The following NUP210L variants were observed in gnomAD, a reference collection of about 807,000 sequenced individuals.
The protein encoded by NUP210L is nucleoporin 210 like, also known as nuclear pore membrane glycoprotein 210-like.
A neutral mutation model predicts 208.5 loss-of-function variants in NUP210L; 74 were observed. That is an observed-to-expected ratio of 0.35 (90% CI 0.29 to 0.43). The LOEUF (loss-of-function observed/expected upper bound fraction) is 0.43. Among genes scored for constraint, NUP210L ranks in the 20% least tolerant of loss-of-function variants. The pLI, the probability that NUP210L is intolerant of heterozygous loss-of-function variation, is 1.00. For synonymous variants in NUP210L, 780 were observed against 816.9 expected (o/e 0.95, Z 0.77); for missense variants, 1,843 against 2,289.4 (o/e 0.81, Z 3.98).
chr1:154,044,342 G>A (rs553074177), intron 27 of NUP210L, among the ~76,000 whole-genome samples: 1 of 151,904 alleles, frequency 6.6e-6, no homozygotes, highest in Non-Finnish European at 1.5e-5. Flanking sequence ...AGGAGGCGGA[G>A]GTTGCAGTGA....
At chr1:154,056,713 C>T in intron 23 of NUP210L, 102 bp downstream of exon 23, 2 of 1,248,062 alleles carry the variant, frequency 1.6e-6, no homozygotes, top group African/African-American at 1.5e-5. Flanking sequence ...AGCCACTGTG[C>T]CCAGCCAGTC....
chr1:154,021,354 T>G (rs1311617734), intron 32 of NUP210L, among the ~76,000 whole-genome samples: 6 of 151,872 alleles, frequency 4.0e-5, no homozygotes, highest in South Asian at 4.1e-4. Context: ...AGGCGTGGTG[T>G]TGTGTGCCTG....
At chr1:154,063,877 AC>A (rs1432742701) in intron 17 of NUP210L, among the ~76,000 whole-genome samples, 1 of 151,624 alleles carries the variant, frequency 6.6e-6, no homozygotes, top group Non-Finnish European at 1.5e-5. Flanking sequence ...ACAAAAGCTA[AC>A]TTTTAGATTT....
At chr1:154,153,670 T>A (rs1382636352) in intron 1 of NUP210L, among the ~76,000 whole-genome samples, 1 of 152,176 alleles carries the variant, frequency 6.6e-6, no homozygotes, top group Non-Finnish European at 1.5e-5. Flanking sequence ...GGTCTCAAAC[T>A]CCTGGCCTCA....
chr1:154,067,211 C>T lies in NUP210L; in HGVS notation c.2554+3062G>A, dbSNP rs190766982. On this transcript the variant is annotated intron_variant, in intron 17 of 39. Transcript: ENST00000368559. ...AATCCTCAATAAAATACTGGCAAAC[C>T]GAATCCAGCAGCACATCAAAAAGCT... Among the ~76,000 whole-genome samples, 447 of 152,110 alleles carry T rather than the reference C, an allele frequency of 2.9e-3. 6 individuals carry two copies. Among genetic ancestry groups the T allele is most frequent in the African/African-American group, 9.6e-3 (398 of 41,508 alleles).
At chr1:154,061,599 T>G in exon 18 of NUP210L, 2 of 1,584,846 alleles carry the variant, frequency 1.3e-6, no homozygotes, top group Non-Finnish European at 1.7e-6. Flanking sequence ...TGGGCTTTTC[T>G]TCTCTGAATA....
chr1:154,025,710 T>C, exon 30 of NUP210L: 1 of 1,612,392 alleles, frequency 6.2e-7, no homozygotes, highest in East Asian at 2.2e-5. Flanking sequence ...CGAAGGCAGC[T>C]CCTTCCCTAG....
chr1:154,015,558 T>TA (rs1651190545), intron 33 of NUP210L, among the ~76,000 whole-genome samples: 1 of 151,332 alleles, frequency 6.6e-6, no homozygotes, highest in African/African-American at 2.4e-5. Flanking sequence ...CTGTCACTAC[T>TA]AAAATACAAA....
intron 12 of NUP210L, among the ~76,000 whole-genome samples, chr1:154,105,998 C>A (rs927665457): frequency 1.3e-5 from 2 of 152,140 alleles, no homozygotes; most frequent in Non-Finnish European, 2.9e-5. Context: ...CGGTGGCTTA[C>A]ACCTGTAATC....
chr1:154,023,093 T>C, intron 31 of NUP210L, 29 bp downstream of exon 31: 1 of 1,589,892 alleles, frequency 6.3e-7, no homozygotes, highest in Non-Finnish European at 8.6e-7. Context: ...TCTACCATAG[T>C]GTCAATACCA....
At chr1:154,114,893 C>CA (rs1365168179) in intron 12 of NUP210L, among the ~76,000 whole-genome samples, 1 of 147,604 alleles carries the variant, frequency 6.8e-6, no homozygotes, top group Non-Finnish European at 1.5e-5. Context: ...CCACCACTCC[C>CA]AGCCTCTTGT....
chr1:154,021,980 C>T lies in NUP210L; in HGVS notation c.4516+146G>A, dbSNP rs1040900581. On this transcript the variant is annotated intron_variant, in intron 32 of 39. Coordinates refer to ENST00000368559, the Ensembl canonical transcript of NUP210L. ...GAACTTCTGGCCTTAAGTGACCTCT[C>T]CAGCTTGGCCTCCCAAAGGGCTGAG... is the stretch of plus-strand genomic sequence containing the variant. 35 of 683,718 alleles carry T rather than the reference C, an allele frequency of 5.1e-5. No homozygotes were observed. In the African/African-American group the frequency reaches 5.7e-4, roughly 11 times the overall value. The allele number at this position is 683,718 out of a possible 1,614,324, so 42.4% of individuals were successfully genotyped here.
chr1:154,060,830 T>A lies in NUP210L; in HGVS notation c.2748+112A>T, dbSNP rs918440569. 4 of 792,812 alleles carry A rather than the reference T, an allele frequency of 5.0e-6. No homozygotes were observed. In the African/African-American group the frequency reaches 5.3e-5, roughly 10 times the overall value. The allele number at this position is 792,812 out of a possible 1,614,324, so 49.1% of individuals were successfully genotyped here. On this transcript the variant is annotated intron_variant, in intron 19 of 39. Transcript: ENST00000368559. ...AACTATTATATATGTGTTTTACATATATGTATCAATTATTTTCAACACATA... is the reference window on the plus strand; with the variant it reads ...AACTATTATATATGTGTTTTACATAAATGTATCAATTATTTTCAACACATA...
intron 12 of NUP210L, among the ~76,000 whole-genome samples, chr1:154,105,254 C>T (rs1003072745): frequency 7.3e-5 from 11 of 150,230 alleles, no homozygotes; most frequent in Non-Finnish European, 1.5e-4. Flanking sequence ...CTTTGGGAGG[C>T]TGAGGTGGAC....
rs1365734087 is a variant in NUP210L, at chr1:154,044,447, C to T, written c.3696+1622G>A. 2.6e-5 allele frequency among the ~76,000 whole-genome samples: 4 copies of T among 151,752 alleles called. No homozygotes were observed. In the South Asian group the frequency reaches 8.4e-4, roughly 32 times the overall value. On this transcript the variant is annotated intron_variant, in intron 27 of 39. Coordinates refer to ENST00000368559, the Ensembl canonical transcript of NUP210L. ...AAAAAGAAAAAGAAAAAAGCCAAAT[C>T]CTTACATTAAATTGCATCAAACTAA... is the stretch of plus-strand genomic sequence containing the variant.
intron 27 of NUP210L, among the ~76,000 whole-genome samples, chr1:154,036,987 T>C (rs898301671): frequency 2.6e-5 from 4 of 152,046 alleles, no homozygotes; most frequent in Admixed American, 2.0e-4. Flanking sequence ...GGTCTCAAAC[T>C]ACTGAGCTCA....
At chr1:154,139,387 A>G (rs1276892405) in intron 5 of NUP210L, among the ~76,000 whole-genome samples, 1 of 152,218 alleles carries the variant, frequency 6.6e-6, no homozygotes, top group East Asian at 1.9e-4. Flanking sequence ...TAAAATGTTT[A>G]AGATAATTGT....
chr1:154,010,870 CAAATAAATAAAT>C (rs151119528), intron 34 of NUP210L, among the ~76,000 whole-genome samples: 7,092 of 151,440 alleles, frequency 0.047, 227 homozygotes, highest in Non-Finnish European at 0.074. Context: ...AACTCCGTCT[CAAATAAATAAAT>C]AAATAAATAA....
intron 33 of NUP210L, among the ~76,000 whole-genome samples, chr1:154,017,971 C>CT (rs989122062): frequency 9.3e-5 from 14 of 150,148 alleles, no homozygotes; most frequent in East Asian, 3.9e-4. Context: ...TCTTTTTTCT[C>CT]TTTTTTTTTC....
Sources: gnomAD v4.1 joint callset for allele counts (sites outside exome capture counted in the v4.1 genomes callset) on GRCh38, gnomAD v4.1.1 for gene constraint, MANE v1.5 for transcripts, NCBI Gene and HGNC (gene_info 2026-07-23, HGNC 2026-07-21) for gene names.